NCF2: variants seen among roughly 807,000 people sequenced by gnomAD.
NCF2 encodes neutrophil cytosol factor 2.
A neutral mutation model predicts 70.9 loss-of-function variants in NCF2; 45 were observed. The observed-to-expected ratio is 0.63, with a 90% CI of 0.50 to 0.81. NCF2 has a LOEUF of 0.81. NCF2 is among the 40% of genes least tolerant of loss of function. The pLI is 0.00. For synonymous variants in NCF2, 203 were observed against 233.6 expected, an observed-to-expected ratio of 0.87 and a Z score of 1.19; for missense variants, 522 against 631.6, an observed-to-expected ratio of 0.83 and a Z score of 1.86.
chr1:183,593,446 C>G (rs1240011775), upstream of NCF2, among the ~76,000 whole-genome samples: 2 of 152,140 alleles, frequency 1.3e-5, no homozygotes, highest in African/African-American at 4.8e-5. Context: ...CTGCAGGAAG[C>G]CCCCTGCCTG....
rs1671769740 is a variant in NCF2, at chr1:183,556,192, C to T, written c.1507G>A (p.Val503Met). 6.2e-7 allele frequency: 1 copy of T among 1,614,192 alleles called. No homozygotes were observed. Residue 503 changes from valine (V) to methionine (M), a missense_variant, in exon 15 of 15, where the codon GTG becomes ATG. Physicochemically the swap from Val to Met is conservative, Grantham distance 21 (BLOSUM62 1). Coordinates refer to ENST00000367535, the MANE Select transcript of NCF2 (RefSeq NM_000433.4). ...EWLEGECKGK[V>M]GIFPKVFVED... ...ACAAAAACTTTGGGGAAAATGCCCA[C>T]CTTCCCTTTGCACTCCCCTTCCAGC...
chr1:183,563,243 C>T lies in NCF2; in HGVS notation c.1242G>A (p.Trp414Ter). 1.2e-6 allele frequency: 2 copies of T among 1,614,162 alleles called. No homozygotes were observed. Reference sequence around the variant, plus strand: ...TCAGGCAGTAGTTTTTCACCTGGCCCCAGGCATCCTTCATGCTGTCTTCTG... The same window carrying T: ...TCAGGCAGTAGTTTTTCACCTGGCCTCAGGCATCCTTCATGCTGTCTTCTG... ...PLSEDSMKDA[W>*]GQVKNYCLTL... The change falls in exon 13 of 15, where the codon TGG (tryptophan) becomes TGA (stop). Residue 414 changes from tryptophan (W) to a stop codon, truncating the protein, a stop_gained. Coordinates refer to ENST00000367535, the MANE Select transcript of NCF2 (RefSeq NM_000433.4). LOFTEE classifies it high-confidence loss of function.
intron 9 of NCF2, among the ~76,000 whole-genome samples, chr1:183,566,060 A>G (rs2102888203): frequency 6.6e-6 from 1 of 152,350 alleles, no homozygotes; most frequent in Non-Finnish European, 1.5e-5. Flanking sequence ...CATATTGGAA[A>G]TCCACTGGCC....
upstream of NCF2, chr1:183,590,741 C>G: frequency 3.9e-6 from 1 of 256,932 alleles, no homozygotes; most frequent in Non-Finnish European, 7.9e-6. Context: ...CTTCTAGAGC[C>G]AGGGTAACCT....
chr1:183,562,926 ACAGT>A (rs1158029608), intron 13 of NCF2, among the ~76,000 whole-genome samples: 2 of 152,022 alleles, frequency 1.3e-5, no homozygotes, highest in Non-Finnish European at 2.9e-5. Flanking sequence ...GATGTTTGAC[ACAGT>A]CAGGCAGGGA....
chr1:183,572,911 T>A (rs1196254029), intron 5 of NCF2, among the ~76,000 whole-genome samples: 1 of 152,316 alleles, frequency 6.6e-6, no homozygotes, highest in East Asian at 1.9e-4. Context: ...TTCCCTCCAT[T>A]GGCTCAGTCC....
rs1413816919 is a variant in NCF2, at chr1:183,590,250, T to C, written c.80A>G (p.Asp27Gly). 6.2e-7 allele frequency: 1 copy of C among 1,613,992 alleles called. No individual in the cohort carries two copies. Among genetic ancestry groups the C allele is most frequent in the Non-Finnish European group, 8.5e-7 (1 of 1,180,028 alleles). ...ADKKDWKGALDAFSAVQDPHS... is the reference protein window; with the variant it reads ...ADKKDWKGALGAFSAVQDPHS... ...GGGGTCCTGGACGGCACTGAAGGCA[T>C]CCAGGGCTCCCTTCCAGTCCTTCTT... The change falls in exon 1 of 15, where the codon GAT becomes GGT. Residue 27 changes from aspartate to glycine, a missense_variant. Asp to Gly is a moderately conservative substitution (Grantham distance 94). Transcript: ENST00000367535.
At chr1:183,596,666 T>C in the NCF2 span, among the ~76,000 whole-genome samples, 1 of 151,766 alleles carries the variant, frequency 6.6e-6, no homozygotes, top group South Asian at 2.1e-4. Context: ...CTCTTGGACC[T>C]GGCAGGCAGA....
chr1:183,597,160 T>C, the NCF2 span, among the ~76,000 whole-genome samples: 1 of 152,242 alleles, frequency 6.6e-6, no homozygotes, highest in African/African-American at 2.4e-5. Flanking sequence ...TTGGATGCAG[T>C]TGGCCTTTTC....
upstream of NCF2, among the ~76,000 whole-genome samples, chr1:183,594,964 T>C (rs1673741571): frequency 6.6e-6 from 1 of 152,212 alleles, no homozygotes; most frequent in Non-Finnish European, 1.5e-5. Context: ...GAGCCAACTC[T>C]CCACTGTCCT....
intron 7 of NCF2, among the ~76,000 whole-genome samples, chr1:183,567,967 C>T (rs936302958): frequency 6.6e-6 from 1 of 152,118 alleles, no homozygotes; most frequent in East Asian, 1.9e-4. Context: ...CACTTTGGAA[C>T]GTGTGACTGA....
upstream of NCF2, among the ~76,000 whole-genome samples, chr1:183,592,038 AGG>A (rs1673677432): frequency 6.6e-6 from 1 of 152,188 alleles, no homozygotes; most frequent in Non-Finnish European, 1.5e-5. Context: ...CTGGGGGTAA[AGG>A]GTATAGCCAA....
chr1:183,589,285 G>T (rs1344327372), intron 1 of NCF2, among the ~76,000 whole-genome samples: 1 of 152,184 alleles, frequency 6.6e-6, no homozygotes, highest in Non-Finnish European at 1.5e-5. Context: ...CTCTTATACA[G>T]TGGTGTGAAG....
At chr1:183,590,543 C>T (rs1447490048), upstream of NCF2, 8 of 642,136 alleles carry the variant, frequency 1.2e-5, no homozygotes, top group East Asian at 2.2e-4. Context: ...TGACTCATAA[C>T]CCTACCATGA....
chr1:183,573,334 G>T lies in NCF2; in HGVS notation c.502-42C>A, dbSNP rs377362786. 2.0e-4 allele frequency: 318 copies of T among 1,560,990 alleles called. 2 individuals are homozygous for T. The highest frequency in any genetic ancestry group is 3.3e-5 in the Admixed American group (2 of 59,932). The stretch of plus-strand genomic sequence containing the variant: ...GTAGCATTCCCTTATGTGAAAATGG[G>T]GGTGACGATGCTTGTCCTGCCTCCC... On this transcript the variant is annotated intron_variant, in intron 4 of 14. Coordinates refer to ENST00000367535, the MANE Select transcript of NCF2 (RefSeq NM_000433.4).
intron 1 of NCF2, among the ~76,000 whole-genome samples, chr1:183,587,593 C>T (rs150901160): frequency 4.4e-4 from 11 of 24,866 alleles, no homozygotes; most frequent in Non-Finnish European, 8.3e-4. Flanking sequence ...GGCACCCTGT[C>T]TCAAAAAAAA....
At chr1:183,581,987 C>G (rs1303982526) in intron 2 of NCF2, among the ~76,000 whole-genome samples, 1 of 152,196 alleles carries the variant, frequency 6.6e-6, no homozygotes, top group East Asian at 1.9e-4. Flanking sequence ...CGTTTTTAAA[C>G]ATGTCTCTGA....
At chr1:183,576,895 T>C (rs990740204) in intron 3 of NCF2, among the ~76,000 whole-genome samples, 7 of 152,102 alleles carry the variant, frequency 4.6e-5, no homozygotes, top group Non-Finnish European at 8.8e-5. Context: ...AAACTGCTAG[T>C]ATATATTTGG....
At chr1:183,564,159 C>CA (rs1672203815) in intron 10 of NCF2, 129 bp from the exon 11 acceptor site, 1 of 919,604 alleles carries the variant, frequency 1.1e-6, no homozygotes, top group Non-Finnish European at 1.8e-6. Flanking sequence ...ATTTGTGGGG[C>CA]AATTATTAAC....
Sources: allele counts gnomAD v4.1 joint callset (sites outside exome capture counted in the v4.1 genomes callset), GRCh38; gene constraint gnomAD v4.1.1; transcripts MANE v1.5; gene names NCBI Gene and HGNC (gene_info 2026-07-23, HGNC 2026-07-21).